GLI3: variants seen among roughly 807,000 people sequenced by gnomAD.
GLI3 encodes the protein GLI family zinc finger 3.
Under a neutral mutation model 100.8 loss-of-function variants are expected in GLI3, and 20 were observed. The ratio of observed to expected loss-of-function variants is 0.20; its 90% CI spans 0.14 to 0.29. The LOEUF (loss-of-function observed/expected upper bound fraction) is 0.29, where lower values mean the gene tolerates loss of function less well. Among genes scored for constraint, GLI3 ranks in the 10% least tolerant of loss-of-function variants. The probability of loss-of-function intolerance (pLI) is 1.00; values close to 1 mark genes in which losing one functional copy is unlikely to be tolerated. For missense variants in GLI3, 2,040 were observed against 2,128.5 expected (o/e 0.96, Z 0.82); for synonymous variants, 938 against 860.5 (o/e 1.09, Z -1.58).
intron 13 of GLI3, among the ~76,000 whole-genome samples, chr7:41,971,097 G>A (rs1787352332): frequency 6.6e-6 from 1 of 152,120 alleles, no homozygotes; most frequent in African/African-American, 2.4e-5. Flanking sequence ...AGACTCTTAA[G>A]AATTCAAAGA....
chr7:42,238,325 T>A (rs1013453621), upstream of GLI3, among the ~76,000 whole-genome samples: 7 of 152,068 alleles, frequency 4.6e-5, no homozygotes, highest in Non-Finnish European at 1.0e-4. Context: ...TCCCCTTTAT[T>A]CTTTTAAGGC....
At chr7:42,006,599 G>T (rs1272341203) in intron 10 of GLI3, among the ~76,000 whole-genome samples, 1 of 152,122 alleles carries the variant, frequency 6.6e-6, no homozygotes, top group Non-Finnish European at 1.5e-5. Context: ...TCCTATCAGG[G>T]GACAGGCCCA....
Position 42,026,375 on chromosome 7 carries a change from A to G in GLI3, c.1066T>C (p.Ser356Pro), listed in dbSNP as rs371057761. The change falls in exon 8 of 15, where the codon TCT becomes CCT. Residue 356 changes from serine (S) to proline (P), a missense_variant. Transcript: ENST00000395925. The stretch of plus-strand genomic sequence containing the variant: ...AGGATCTGCTGATGCATGTGGAGAG[A>G]GACGGGCGCGGAAGAGTAGGTGAAG... ...LSFTYSSAPV[S>P]LHMHQQILSR... The G allele has an allele frequency of 7.4e-6, 12 of 1,614,046 alleles. No homozygotes were observed. The highest frequency in any genetic ancestry group is 1.3e-5 in the African/African-American group (1 of 74,904).
chr7:42,102,562 C>T (rs778698026), intron 3 of GLI3, among the ~76,000 whole-genome samples: 1 of 152,238 alleles, frequency 6.6e-6, no homozygotes, highest in Non-Finnish European at 1.5e-5. Flanking sequence ...AGGAGGAAAA[C>T]CTCAACAGCC....
At chr7:42,184,547 G>C (rs1437180166) in intron 2 of GLI3, among the ~76,000 whole-genome samples, 1 of 152,210 alleles carries the variant, frequency 6.6e-6, no homozygotes, top group Non-Finnish European at 1.5e-5. Flanking sequence ...TCAGGGCCTA[G>C]AACAGTGACT....
chr7:42,256,021 C>T (rs1356485062), intron 1 of GLI3, among the ~76,000 whole-genome samples: 1 of 152,144 alleles, frequency 6.6e-6, no homozygotes, highest in Non-Finnish European at 1.5e-5. Context: ...GTAGCGGTAT[C>T]CCATTGTGGC....
chr7:42,214,362 G>A (rs562715603), intron 2 of GLI3, among the ~76,000 whole-genome samples: 7 of 152,076 alleles, frequency 4.6e-5, no homozygotes, highest in African/African-American at 7.2e-5. Flanking sequence ...GGAAAGAGAT[G>A]AAAGAATGCG....
chr7:42,008,159 C>T (rs1788510135), intron 10 of GLI3, among the ~76,000 whole-genome samples: 1 of 152,130 alleles, frequency 6.6e-6, no homozygotes, highest in Non-Finnish European at 1.5e-5. Context: ...TACCCCACAC[C>T]CATGGTGTAC....
intron 2 of GLI3, among the ~76,000 whole-genome samples, chr7:42,162,984 T>C (rs1322625898): frequency 1.4e-5 from 2 of 141,266 alleles, no homozygotes; most frequent in East Asian, 4.1e-4. Context: ...TTTTTTTTTT[T>C]TTTTTTTTGT....
chr7:42,015,926 C>T (rs148876684), intron 10 of GLI3, among the ~76,000 whole-genome samples: 69 of 151,964 alleles, frequency 4.5e-4, no homozygotes, highest in African/African-American at 1.2e-3. Context: ...CCACACTACG[C>T]GACAAGAGGA....
rs896572680 is a variant in GLI3 at position 41,961,869 on chromosome 7, TCTC to T, written c.*2458_*2460del. On this transcript the variant is annotated 3_prime_UTR_variant, in exon 15 of 15. Coordinates refer to ENST00000395925, the MANE Select transcript of GLI3 (RefSeq NM_000168.6). ...AGTATACTTTCTTCTTCCTCCCTCC[TCTC>T]CTCTGTCCTTCTGAAATTTCCATAT... 1.3e-5 allele frequency: 2 copies of T among 151,952 alleles called. No homozygotes were observed. Among genetic ancestry groups the T allele is most frequent in the South Asian group, 2.1e-4 (1 of 4,808 alleles). 9.4% of individuals were successfully genotyped at this position (151,952 alleles called of 1,614,324 possible).
At chr7:42,024,129 G>A (rs2128731055) in intron 9 of GLI3, among the ~76,000 whole-genome samples, 1 of 152,304 alleles carries the variant, frequency 6.6e-6, no homozygotes, top group African/African-American at 2.4e-5. Flanking sequence ...TGGAGACTGT[G>A]TGAGACACTT....
At chr7:42,145,330 C>T (rs1206116669) in intron 3 of GLI3, 1 of 380,086 alleles carries the variant, frequency 2.6e-6, no homozygotes, top group Non-Finnish European at 4.6e-6. Flanking sequence ...TTTTATGTTC[C>T]TGCATGTATT....
At chr7:41,999,574 T>G (rs555250513) in intron 10 of GLI3, among the ~76,000 whole-genome samples, 9 of 152,154 alleles carry the variant, frequency 5.9e-5, no homozygotes, top group African/African-American at 2.2e-4. Flanking sequence ...TCCAACGCCC[T>G]GCATCAGGGG....
chr7:41,993,329 A>G (rs910565697), intron 10 of GLI3, among the ~76,000 whole-genome samples: 10 of 152,156 alleles, frequency 6.6e-5, no homozygotes, highest in African/African-American at 2.4e-4. Flanking sequence ...GGGGTCACTG[A>G]GCGAGGATAA....
At chr7:42,133,139 A>G (rs890757206) in intron 3 of GLI3, among the ~76,000 whole-genome samples, 1 of 152,230 alleles carries the variant, frequency 6.6e-6, no homozygotes, top group East Asian at 1.9e-4. Context: ...TAATAAAAGT[A>G]AAACTTATAC....
At chr7:42,195,161 T>A (rs1286150542) in intron 2 of GLI3, among the ~76,000 whole-genome samples, 1 of 152,120 alleles carries the variant, frequency 6.6e-6, no homozygotes, top group African/African-American at 2.4e-5. Context: ...CTCCTAATGG[T>A]CTCCTGTCTT....
At chr7:42,134,361 T>C (rs1721422592) in intron 3 of GLI3, among the ~76,000 whole-genome samples, 1 of 152,160 alleles carries the variant, frequency 6.6e-6, no homozygotes, top group Admixed American at 6.5e-5. Context: ...AGCTGAACGA[T>C]TCATGTCCTA....
chr7:41,971,021 A>G (rs939708698), intron 13 of GLI3, among the ~76,000 whole-genome samples: 1 of 152,236 alleles, frequency 6.6e-6, no homozygotes, highest in African/African-American at 2.4e-5. Context: ...CTACCCACTG[A>G]TAAATCATGA....
Sources: gnomAD v4.1 joint callset for allele counts (sites outside exome capture counted in the v4.1 genomes callset) on GRCh38, gnomAD v4.1.1 for gene constraint, MANE v1.5 for transcripts, NCBI Gene and HGNC (gene_info 2026-07-23, HGNC 2026-07-21) for gene names.